ZDHHC17: variants seen among roughly 807,000 people sequenced by gnomAD.
The protein encoded by ZDHHC17 is palmitoyltransferase ZDHHC17.
ZDHHC17 carries 40 observed loss-of-function variants against 90.3 expected under a neutral mutation model. That is an observed-to-expected ratio of 0.44 (90% confidence interval 0.34 to 0.58). The LOEUF (loss-of-function observed/expected upper bound fraction) is 0.58. ZDHHC17 is among the 20% of genes least tolerant of loss of function. The pLI, the probability that ZDHHC17 is intolerant of heterozygous loss-of-function variation, is 0.01. For synonymous variants in ZDHHC17, 235 were observed against 252.4 expected (o/e 0.93, Z 0.65); for missense variants, 614 against 780.8 (o/e 0.79, Z 2.55).
At chr12:76,784,311 A>G (rs1375466787) in intron 1 of ZDHHC17, among the ~76,000 whole-genome samples, 3 of 152,226 alleles carry the variant, frequency 2.0e-5, no homozygotes, top group Admixed American at 1.3e-4. Context: ...AAGAGCCCCT[A>G]TCAGAGCAAC....
chr12:76,847,508 A>G lies in ZDHHC17; in HGVS notation c.1508-725A>G, dbSNP rs550343385. 5.3e-5 allele frequency among the ~76,000 whole-genome samples: 8 copies of G among 152,324 alleles called. No individual in the cohort carries two copies. In the South Asian group the frequency reaches 1.7e-3, roughly 32 times the overall value. On this transcript the variant is annotated intron_variant, in intron 14 of 16. Transcript: ENST00000426126. ...TGAGGAGAATACTTTCTTGCCAACA[A>G]CAGCAGTATTTTATAGCAACTCTCC...
At chr12:76,822,637 C>A in intron 8 of ZDHHC17, 106 bp downstream of exon 8, 1 of 842,502 alleles carries the variant, frequency 1.2e-6, no homozygotes, top group Non-Finnish European at 1.9e-6. Flanking sequence ...TCACTGCAAT[C>A]CCTGCCTCTC....
intron 1 of ZDHHC17, among the ~76,000 whole-genome samples, chr12:76,769,717 G>A (rs959987845): frequency 6.6e-6 from 1 of 152,230 alleles, no homozygotes; most frequent in East Asian, 1.9e-4. Flanking sequence ...AGTGACCACT[G>A]TTAAGCCCAG....
intron 7 of ZDHHC17, among the ~76,000 whole-genome samples, chr12:76,816,623 A>G (rs1953090602): frequency 6.6e-6 from 1 of 152,056 alleles, no homozygotes; most frequent in Admixed American, 6.6e-5. Flanking sequence ...TGCTAATTAA[A>G]TATGAAGGGG....
chr12:76,802,311 C>T (rs1405432696), intron 2 of ZDHHC17, among the ~76,000 whole-genome samples: 2 of 152,166 alleles, frequency 1.3e-5, no homozygotes, highest in East Asian at 1.9e-4. Context: ...GAGAAATCTT[C>T]TGATAATCTT....
intron 1 of ZDHHC17, among the ~76,000 whole-genome samples, chr12:76,779,112 C>T (rs986254231): frequency 3.9e-5 from 6 of 152,112 alleles, no homozygotes; most frequent in South Asian, 2.1e-4. Flanking sequence ...ATATGAGTTT[C>T]GGGGGTATAC....
chr12:76,848,188 T>G (rs747794101), intron 14 of ZDHHC17, 45 bp from the exon 15 acceptor site: 1 of 1,605,376 alleles, frequency 6.2e-7, no homozygotes, highest in Non-Finnish European at 8.5e-7. Context: ...ATGAGGTGCT[T>G]GGATGATTAT....
At chr12:76,825,170 C>A (rs1953215414) in intron 8 of ZDHHC17, among the ~76,000 whole-genome samples, 1 of 152,108 alleles carries the variant, frequency 6.6e-6, no homozygotes, top group South Asian at 2.1e-4. Flanking sequence ...TGACATGCTA[C>A]TGTTACCATT....
intron 10 of ZDHHC17, among the ~76,000 whole-genome samples, chr12:76,832,327 T>C (rs1473422024): frequency 1.3e-5 from 2 of 152,244 alleles, no homozygotes; most frequent in Non-Finnish European, 2.9e-5. Flanking sequence ...CTTTTACCAC[T>C]TTTCTTGTGC....
At chr12:76,794,022 A>T (rs1388079703) in intron 1 of ZDHHC17, among the ~76,000 whole-genome samples, 1 of 152,024 alleles carries the variant, frequency 6.6e-6, no homozygotes, top group Non-Finnish European at 1.5e-5. Context: ...AGTAGCTGGG[A>T]CTACAGGCGC....
intron 1 of ZDHHC17, among the ~76,000 whole-genome samples, chr12:76,775,463 A>G (rs1226201891): frequency 6.6e-6 from 1 of 152,220 alleles, no homozygotes; most frequent in Non-Finnish European, 1.5e-5. Context: ...TTAGCAATAC[A>G]GTAACTGATT....
chr12:76,805,273 T>C (rs1278534177), intron 2 of ZDHHC17, 44 bp from the exon 3 acceptor site: 11 of 1,487,314 alleles, frequency 7.4e-6, no homozygotes, highest in Non-Finnish European at 5.5e-6. Flanking sequence ...AACTTTACAT[T>C]TCTTGTTAAA....
chr12:76,805,507 A>G, intron 3 of ZDHHC17, 68 bp downstream of exon 3: 4 of 1,250,902 alleles, frequency 3.2e-6, no homozygotes, highest in Non-Finnish European at 4.4e-6. Context: ...AATAGAAGTA[A>G]TTGTTATAAA....
At chr12:76,796,273 A>G (rs958278435) in intron 1 of ZDHHC17, among the ~76,000 whole-genome samples, 5 of 152,154 alleles carry the variant, frequency 3.3e-5, no homozygotes, top group Non-Finnish European at 7.4e-5. Context: ...ATTTATATTT[A>G]CACATATGTT....
At chr12:76,815,088 A>T in intron 5 of ZDHHC17, 58 bp from the exon 6 acceptor site, 2 of 1,307,700 alleles carry the variant, frequency 1.5e-6, no homozygotes, top group South Asian at 1.4e-5. Context: ...TTTCCAAGCA[A>T]ATTTGGTTAG....
At chr12:76,850,701 T>G (rs573726519) in intron 16 of ZDHHC17, 146 bp from the exon 17 acceptor site, 1 of 879,216 alleles carries the variant, frequency 1.1e-6, no homozygotes, top group Admixed American at 2.7e-5. Context: ...ATATATTTTA[T>G]AGAGTTATGA....
chr12:76,836,737 T>C (rs1376610870), intron 10 of ZDHHC17, among the ~76,000 whole-genome samples: 1 of 152,184 alleles, frequency 6.6e-6, no homozygotes, highest in Non-Finnish European at 1.5e-5. Flanking sequence ...CAAATTTTTA[T>C]CTGTTTGCAG....
At chr12:76,838,697 C>T (rs750680221) in intron 10 of ZDHHC17, among the ~76,000 whole-genome samples, 3 of 152,152 alleles carry the variant, frequency 2.0e-5, no homozygotes, top group Non-Finnish European at 2.9e-5. Flanking sequence ...TGTTAAGTCA[C>T]CTTATTAATG....
At chr12:76,792,624 C>G (rs968907401) in intron 1 of ZDHHC17, among the ~76,000 whole-genome samples, 3 of 152,012 alleles carry the variant, frequency 2.0e-5, no homozygotes, top group Admixed American at 6.6e-5. Context: ...TAATTTCTCT[C>G]CTTCCAGTTC....
Sources: allele counts gnomAD v4.1 joint callset (sites outside exome capture counted in the v4.1 genomes callset), GRCh38; gene constraint gnomAD v4.1.1; transcripts MANE v1.5; gene names NCBI Gene and HGNC (gene_info 2026-07-23, HGNC 2026-07-21).